Variants in FGR observed in about 807,000 individuals in gnomAD.
The protein encoded by FGR is FGR proto-oncogene, Src family tyrosine kinase.
A neutral mutation model predicts 63.2 loss-of-function variants in FGR; 26 were observed. The observed-to-expected ratio is 0.41, with a 90% confidence interval of 0.30 to 0.57. The LOEUF (loss-of-function observed/expected upper bound fraction) is 0.57. Among genes scored for constraint, FGR ranks in the 20% least tolerant of loss-of-function variants. The probability of loss-of-function intolerance (pLI) is 0.27; values close to 1 mark genes in which losing one functional copy is unlikely to be tolerated. For synonymous variants in FGR, 286 were observed against 277.7 expected, an observed-to-expected ratio of 1.03 and a Z score of -0.30; for missense variants, 511 against 690.8, an observed-to-expected ratio of 0.74 and a Z score of 2.92.
chr1:27,630,279 T>C (rs1461704508), intron 1 of FGR, among the ~76,000 whole-genome samples: 1 of 152,176 alleles, frequency 6.6e-6, no homozygotes, highest in African/African-American at 2.4e-5. Flanking sequence ...GGTCTCGATC[T>C]CCTGACCTCG....
At chr1:27,625,545 C>T (rs1275252493) in intron 1 of FGR, among the ~76,000 whole-genome samples, 10 of 152,202 alleles carry the variant, frequency 6.6e-5, no homozygotes, top group Admixed American at 6.5e-4. Flanking sequence ...GACGAACACA[C>T]TCAGACACAC....
intron 1 of FGR, among the ~76,000 whole-genome samples, chr1:27,628,217 G>A (rs1205837463): frequency 6.6e-6 from 1 of 150,836 alleles, no homozygotes; most frequent in Non-Finnish European, 1.5e-5. Context: ...CCAAAAATTA[G>A]CTTGGCATGG....
intron 1 of FGR, among the ~76,000 whole-genome samples, chr1:27,631,507 T>C (rs2090103857): frequency 6.6e-6 from 1 of 152,212 alleles, no homozygotes. Context: ...GCCTGACAAC[T>C]AGCTTAAGGC....
chr1:27,612,806 G>T lies in FGR; in HGVS notation c.*108C>A. On this transcript the variant is annotated 3_prime_UTR_variant, in exon 13 of 13. Coordinates refer to ENST00000374005, the MANE Select transcript of FGR (RefSeq NM_005248.3). ...TCAGAGCAGCCACGTCCTCGGTGATGCTAGGACTCTATGGGGTTCTAAGCC... is the reference window on the plus strand; with the variant it reads ...TCAGAGCAGCCACGTCCTCGGTGATTCTAGGACTCTATGGGGTTCTAAGCC... The T allele has an allele frequency of 9.5e-7, 1 of 1,047,272 alleles. No individual in the cohort carries two copies. The highest frequency in any genetic ancestry group is 1.4e-6 in the Non-Finnish European group (1 of 714,766). The allele number at this position is 1,047,272 out of a possible 1,614,324, so 64.9% of individuals were successfully genotyped here. A position where few individuals can be genotyped will look rare whatever the true frequency, so the allele number is the denominator to read the frequency against.
rs775224378 is a variant in FGR at position 27,612,992 on chromosome 1, G to T, written c.1512C>A (p.Thr504=). Residue 504 remains threonine, a synonymous_variant, in exon 13 of 13, where the codon ACC becomes ACA. Coordinates refer to ENST00000374005, the MANE Select transcript of FGR (RefSeq NM_005248.3). ...TWRLDPEERP[T]FEYLQSFLED... ...CCAGGAAGGACTGCAGGTACTCGAA[G>T]GTAGGCCTCTCCTCCGGGTCCAGAC... 5.0e-6 allele frequency: 8 copies of T among 1,614,232 alleles called. No individual in the cohort carries two copies. The highest frequency in any genetic ancestry group is 6.8e-6 in the Non-Finnish European group (8 of 1,180,028).
At chr1:27,630,635 A>T (rs1351675058) in intron 1 of FGR, among the ~76,000 whole-genome samples, 1 of 152,106 alleles carries the variant, frequency 6.6e-6, no homozygotes, top group African/African-American at 2.4e-5. Context: ...CAGTCGCTGA[A>T]TCTGAAGAAG....
Position 27,632,623 on chromosome 1 carries a change from C to T in FGR, c.-77+2442G>A, listed in dbSNP as rs537114363. ...AGGCCATTAGCAGTTTTTTCCACTT[C>T]TTGTGGGTAAAAGTGGTTTTCCACC... is the stretch of plus-strand genomic sequence containing the variant. On this transcript the variant is annotated intron_variant, in intron 1 of 12. Coordinates refer to ENST00000374005, the MANE Select transcript of FGR (RefSeq NM_005248.3). 5.9e-5 allele frequency among the ~76,000 whole-genome samples: 9 copies of T among 152,246 alleles called. No homozygotes were observed. The East Asian group carries it at 1.7e-3, about 29-fold the overall frequency.
Position 27,614,892 on chromosome 1 carries a change from G to C in FGR, c.1053C>G (p.Gly351=), listed in dbSNP as rs373209754. ...SLLDFLKNPE[G]QDLRLPQLVD... Reference sequence around the variant, plus strand: ...CCAATTGGGGCAGCCTCAAATCCTGGCCCTCTGGGTTCTTGAGAAAATCCA... The same window carrying C: ...CCAATTGGGGCAGCCTCAAATCCTGCCCCTCTGGGTTCTTGAGAAAATCCA... The change falls in exon 10 of 13, where the codon GGC becomes GGG. Residue 351 remains glycine, a synonymous_variant. Coordinates refer to ENST00000374005, the MANE Select transcript of FGR (RefSeq NM_005248.3). 1 of 1,599,714 alleles carries C rather than the reference G, an allele frequency of 6.3e-7. No homozygotes were observed.
Position 27,615,416 on chromosome 1 carries a change from C to T in FGR, c.1018+18G>A, listed in dbSNP as rs532202533. On this transcript the variant is annotated intron_variant, in intron 9 of 12. Coordinates refer to ENST00000374005, the MANE Select transcript of FGR (RefSeq NM_005248.3). The surrounding 1 kb of genome is among the most constrained non-coding windows in gnomAD (Gnocchi z 7.6). ...AACTTCACCCCGAATCCCGCCCGAC[C>T]AGGCTCCGCCTCCTGACCGTGACAC... 1.1e-5 allele frequency: 18 copies of T among 1,590,100 alleles called. 1 individual carries two copies. In the South Asian group the frequency reaches 1.8e-4, roughly 16 times the overall value.
intron 1 of FGR, among the ~76,000 whole-genome samples, chr1:27,633,588 C>T (rs2090136638): frequency 6.6e-6 from 1 of 152,178 alleles, no homozygotes; most frequent in Non-Finnish European, 1.5e-5. Context: ...TTGTTGTTTA[C>T]AGACAAAATC....
rs2089824364 is a variant in FGR, at chr1:27,616,959, G to A, written c.580C>T (p.His194Tyr). The A allele has an allele frequency of 6.2e-7, 1 of 1,614,178 alleles. No individual in the cohort carries two copies. The change falls in exon 7 of 13, where the codon CAT becomes TAT. Residue 194 changes from histidine to tyrosine, a missense_variant. Physicochemically the swap from His to Tyr is moderately conservative, Grantham distance 83 (BLOSUM62 2). Transcript: ENST00000374005. This position sits in a 1 kb window ranked among gnomAD's most constrained non-coding sequence, Gnocchi z 4.3. Reference sequence around the variant, plus strand: ...TTGCGGATCTTGTAATGCTTCACATGATCGCCTCTGGTCTGATCCCAGTCC... The same window carrying A: ...TTGCGGATCTTGTAATGCTTCACATAATCGCCTCTGGTCTGATCCCAGTCC... ...IRDWDQTRGD[H>Y]VKHYKIRKLD...
At chr1:27,613,560 G>A (rs1020227775) in intron 11 of FGR, among the ~76,000 whole-genome samples, 5 of 152,030 alleles carry the variant, frequency 3.3e-5, no homozygotes, top group South Asian at 2.1e-4. Flanking sequence ...AAAATTAGCC[G>A]GGCATGGTGG....
At chr1:27,632,468 C>T (rs1183861219) in intron 1 of FGR, among the ~76,000 whole-genome samples, 1 of 152,130 alleles carries the variant, frequency 6.6e-6, no homozygotes, top group Non-Finnish European at 1.5e-5. Context: ...TCACACCATC[C>T]TTTCTTGAGG....
Position 27,616,782 on chromosome 1 carries a change from T to C in FGR, c.682+75A>G, listed in dbSNP as rs2089819847. 1 of 1,530,484 alleles carries C rather than the reference T, an allele frequency of 6.5e-7. No homozygotes were observed. Among genetic ancestry groups the C allele is most frequent in the Non-Finnish European group, 9.0e-7 (1 of 1,107,194 alleles). The allele number at this position is 1,530,484 out of a possible 1,614,324, so 94.8% of individuals were successfully genotyped here. A position where few individuals can be genotyped will look rare whatever the true frequency, so the allele number is the denominator to read the frequency against. On this transcript the variant is annotated intron_variant, in intron 7 of 12. Coordinates refer to ENST00000374005, the MANE Select transcript of FGR (RefSeq NM_005248.3). The surrounding 1 kb of genome is among the most constrained non-coding windows in gnomAD (Gnocchi z 4.3). ...AATACTGCTTGGTAGTCCCTTCCCT[T>C]CTCTGGGCCTCAGTTCCCCCATCTG...
chr1:27,617,505 T>C lies in FGR; in HGVS notation c.429-209A>G, dbSNP rs896973594. On this transcript the variant is annotated intron_variant, in intron 5 of 12. Transcript: ENST00000374005. The surrounding 1 kb of genome is among the most constrained non-coding windows in gnomAD (Gnocchi z 4.5). ...TAGGTGCCCTGCAAAGGTTAGCATC[T>C]CTTCTCGTTAGGTTTCTCTTGAATT... Among the ~76,000 whole-genome samples, 1 of 152,172 alleles carries C rather than the reference T, an allele frequency of 6.6e-6. No homozygotes were observed. Among genetic ancestry groups the C allele is most frequent in the African/African-American group, 2.4e-5 (1 of 41,434 alleles).
chr1:27,625,371 C>T (rs1237973967), intron 1 of FGR, among the ~76,000 whole-genome samples: 2 of 152,182 alleles, frequency 1.3e-5, no homozygotes, highest in African/African-American at 2.4e-5. Context: ...CTCATACTCA[C>T]CTGACCCACC....
chr1:27,621,690 AC>A, intron 4 of FGR, 33 bp from the exon 5 acceptor site: 1 of 1,544,382 alleles, frequency 6.5e-7, no homozygotes, highest in Non-Finnish European at 9.0e-7. Context: ...GGTCAGCAGC[AC>A]CTCCAGCCCC....
chr1:27,630,951 C>T (rs991310766), intron 1 of FGR, among the ~76,000 whole-genome samples: 4 of 152,192 alleles, frequency 2.6e-5, no homozygotes, highest in South Asian at 2.1e-4. Context: ...GCCTCTGAGC[C>T]TTAGTTGTTG....
intron 1 of FGR, chr1:27,626,068 C>G: frequency 2.5e-6 from 1 of 398,734 alleles, no homozygotes. Context: ...CCTCCTATCC[C>G]CATACCAGAG....
Sources: gnomAD v4.1 joint callset for allele counts (sites outside exome capture counted in the v4.1 genomes callset) on GRCh38, gnomAD v4.1.1 for gene constraint, Gnocchi (gnomAD v3.1) non-coding constraint, MANE v1.5 for transcripts, NCBI Gene and HGNC (gene_info 2026-07-23, HGNC 2026-07-21) for gene names.